The following THSD7A variants were observed in gnomAD, a reference collection of about 807,000 sequenced individuals.
The protein encoded by THSD7A is thrombospondin type 1 domain containing 7A.
Under a neutral mutation model 231.3 loss-of-function variants are expected in THSD7A, and 96 were observed. The ratio of observed to expected loss-of-function variants is 0.41; its 90% CI spans 0.35 to 0.49. THSD7A has a LOEUF of 0.49. Ranked by LOEUF, THSD7A falls within the 20% of genes least tolerant of loss-of-function variation. The probability of loss-of-function intolerance (pLI) is 0.05; values close to 1 mark genes in which losing one functional copy is unlikely to be tolerated. For missense variants in THSD7A, 2,290 were observed against 2,070.2 expected, an observed-to-expected ratio of 1.11 and a Z score of -2.06; for synonymous variants, 940 against 743.3, an observed-to-expected ratio of 1.26 and a Z score of -4.30.
chr7:11,737,015 G>C (rs1251381495), intron 1 of THSD7A, among the ~76,000 whole-genome samples: 1 of 152,108 alleles, frequency 6.6e-6, no homozygotes, highest in Middle Eastern at 3.4e-3. Context: ...ACGTGAAGAA[G>C]GACATGTTTG....
intron 4 of THSD7A, among the ~76,000 whole-genome samples, chr7:11,582,927 G>GTT (rs34447398): frequency 4.5e-4 from 68 of 150,674 alleles, no homozygotes; most frequent in African/African-American, 1.6e-3. Flanking sequence ...GTATATCTGT[G>GTT]TTTTTTTTTA....
intron 1 of THSD7A, among the ~76,000 whole-genome samples, chr7:11,643,186 C>T (rs1171357819): frequency 6.6e-6 from 1 of 152,026 alleles, no homozygotes. Flanking sequence ...GTGTTTTCCC[C>T]TTCTGGATTT....
At chr7:11,471,539 C>T (rs566222847) in intron 8 of THSD7A, among the ~76,000 whole-genome samples, 1 of 151,994 alleles carries the variant, frequency 6.6e-6, no homozygotes, top group Admixed American at 6.6e-5. Flanking sequence ...ATGCTTTATT[C>T]AATTATATAG....
intron 1 of THSD7A, among the ~76,000 whole-genome samples, chr7:11,681,529 A>G (rs960369720): frequency 6.6e-6 from 1 of 152,084 alleles, no homozygotes; most frequent in East Asian, 1.9e-4. Flanking sequence ...GATCAGTCCT[A>G]TGAATCATCC....
chr7:11,644,086 C>A (rs1782193670), intron 1 of THSD7A, among the ~76,000 whole-genome samples: 1 of 150,462 alleles, frequency 6.6e-6, no homozygotes, highest in South Asian at 2.1e-4. Flanking sequence ...TACCTTCATT[C>A]TTTTGTGTAT....
At chr7:11,447,538 T>C in intron 11 of THSD7A, 114 bp from the exon 12 acceptor site, 1 of 826,508 alleles carries the variant, frequency 1.2e-6, no homozygotes, top group Non-Finnish European at 1.8e-6. Flanking sequence ...TGTAGTTCCT[T>C]ACTTACAGTA....
intron 2 of THSD7A, 30 bp from the exon 3 acceptor site, chr7:11,593,532 A>C: frequency 6.2e-7 from 1 of 1,607,248 alleles, no homozygotes; most frequent in Non-Finnish European, 8.5e-7. Context: ...TTCTCATTAC[A>C]GACTCACAGG....
intron 1 of THSD7A, among the ~76,000 whole-genome samples, chr7:11,661,377 C>A (rs1782922738): frequency 6.6e-6 from 1 of 151,182 alleles, no homozygotes. Flanking sequence ...TATAGGACAG[C>A]TAGATATCAG....
intron 19 of THSD7A, among the ~76,000 whole-genome samples, chr7:11,407,982 T>C (rs1783644813): frequency 1.3e-5 from 2 of 152,216 alleles, no homozygotes; most frequent in Non-Finnish European, 2.9e-5. Flanking sequence ...TGATTATGAA[T>C]ATTTTATGTG....
intron 1 of THSD7A, among the ~76,000 whole-genome samples, chr7:11,727,243 G>T (rs9690546): frequency 7.3e-4 from 111 of 151,944 alleles, no homozygotes; most frequent in African/African-American, 2.6e-3. Context: ...ATTCAATTTT[G>T]ACTCTCTTAA....
chr7:11,404,650 G>T (rs1783522179), intron 22 of THSD7A, among the ~76,000 whole-genome samples: 1 of 152,188 alleles, frequency 6.6e-6, no homozygotes, highest in South Asian at 2.1e-4. Context: ...AGTTTCAGCA[G>T]CAGGAAGTGA....
intron 1 of THSD7A, among the ~76,000 whole-genome samples, chr7:11,735,557 T>A (rs1781887824): frequency 7.1e-6 from 1 of 141,170 alleles, no homozygotes; most frequent in Non-Finnish European, 1.5e-5. Context: ...AATCTCATTA[T>A]GTATATGTAT....
At chr7:11,799,123 A>G (rs938137041) in intron 1 of THSD7A, among the ~76,000 whole-genome samples, 3 of 152,098 alleles carry the variant, frequency 2.0e-5, no homozygotes, top group African/African-American at 7.2e-5. Context: ...GGGTTTCACC[A>G]TGTTGGCCAG....
At position 11,636,575 on chromosome 7, in the gene THSD7A, G is replaced by C; in HGVS notation, c.577C>G (p.Gln193Glu). 6.2e-7 allele frequency: 1 copy of C among 1,613,994 alleles called. No individual in the cohort carries two copies. Among genetic ancestry groups the C allele is most frequent in the Non-Finnish European group, 8.5e-7 (1 of 1,179,906 alleles). ...LEQACLIPCQ[Q>E]DCIVSEFSAW... ...GAAAATTCAGACACGATGCAATCTT[G>C]CTGGCAAGGAATGAGGCAAGCCTGC... Residue 193 changes from glutamine to glutamate, a missense_variant, in exon 2 of 28, where the codon CAA (glutamine) becomes GAA (glutamate). Physicochemically the swap from Gln to Glu is conservative, Grantham distance 29. Coordinates refer to ENST00000423059, the MANE Select transcript of THSD7A (RefSeq NM_015204.3). The surrounding 1 kb of genome is among the most constrained non-coding windows in gnomAD (Gnocchi z 10.0).
intron 2 of THSD7A, among the ~76,000 whole-genome samples, chr7:11,619,686 T>C (rs1160570130): frequency 1.3e-5 from 2 of 152,110 alleles, no homozygotes; most frequent in African/African-American, 2.4e-5. Context: ...CCTCCCAAAG[T>C]GCTGGGATTA....
At chr7:11,651,723 A>C (rs1782515031) in intron 1 of THSD7A, among the ~76,000 whole-genome samples, 1 of 152,008 alleles carries the variant, frequency 6.6e-6, no homozygotes, top group African/African-American at 2.4e-5. Context: ...GTAAAGGGCC[A>C]ATTATAGATC....
intron 1 of THSD7A, among the ~76,000 whole-genome samples, chr7:11,703,234 T>C (rs1345458568): frequency 6.6e-6 from 1 of 151,160 alleles, no homozygotes; most frequent in Non-Finnish European, 1.5e-5. Context: ...TAGAAAATAT[T>C]TTTTTTCCCA....
chr7:11,707,069 C>G (rs1230861417), intron 1 of THSD7A, among the ~76,000 whole-genome samples: 3 of 150,696 alleles, frequency 2.0e-5, no homozygotes, highest in Admixed American at 6.6e-5. Context: ...GAATGAGTTT[C>G]CAAAATGATT....
At chr7:11,583,071 T>C (rs979384261) in intron 4 of THSD7A, among the ~76,000 whole-genome samples, 1 of 152,062 alleles carries the variant, frequency 6.6e-6, no homozygotes, top group Non-Finnish European at 1.5e-5. Context: ...ATTATTTCCT[T>C]ATTTTTTTTG....
Sources: allele counts gnomAD v4.1 joint callset (sites outside exome capture counted in the v4.1 genomes callset), GRCh38; gene constraint gnomAD v4.1.1; non-coding constraint Gnocchi (gnomAD v3.1); transcripts MANE v1.5; gene names NCBI Gene and HGNC (gene_info 2026-07-23, HGNC 2026-07-21).